The following CPQ variants were observed in gnomAD, a reference collection of about 807,000 sequenced individuals.
CPQ encodes carboxypeptidase Q.
In CPQ, 37 loss-of-function variants were observed where a neutral mutation model predicts 45.7. The observed-to-expected ratio is 0.81, with a 90% CI of 0.62 to 1.07. The LOEUF (loss-of-function observed/expected upper bound fraction) is 1.07, where lower values mean the gene tolerates loss of function less well. Among genes scored for constraint, CPQ ranks in the 50% least tolerant of loss-of-function variants. CPQ has a pLI of 0.00. For missense variants in CPQ, 537 were observed against 572.9 expected (o/e 0.94, Z 0.64); for synonymous variants, 186 against 205.8 (o/e 0.90, Z 0.82).
chr8:96,907,309 T>G (rs1812592378), intron 4 of CPQ, among the ~76,000 whole-genome samples: 1 of 152,182 alleles, frequency 6.6e-6, no homozygotes, highest in Non-Finnish European at 1.5e-5. Context: ...TCATTTACTT[T>G]GCAGAAGCTG....
intron 1 of CPQ, among the ~76,000 whole-genome samples, chr8:96,753,811 C>T (rs1368013167): frequency 6.6e-6 from 1 of 151,514 alleles, no homozygotes; most frequent in Non-Finnish European, 1.5e-5. Flanking sequence ...ACATCCTTAC[C>T]TTCCTCCTGA....
At chr8:96,869,824 G>A (rs892759828) in intron 3 of CPQ, among the ~76,000 whole-genome samples, 6 of 151,976 alleles carry the variant, frequency 3.9e-5, no homozygotes, top group African/African-American at 1.5e-4. Context: ...TAACTAAATG[G>A]TAAAGTTAGC....
chr8:96,717,883 T>C (rs2130759793), intron 1 of CPQ, among the ~76,000 whole-genome samples: 1 of 152,052 alleles, frequency 6.6e-6, no homozygotes, highest in South Asian at 2.1e-4. Context: ...TACAGAAGAG[T>C]CTTCATGGGG....
intron 1 of CPQ, chr8:96,680,461 T>C (rs927507029): frequency 6.6e-6 from 1 of 152,238 alleles, no homozygotes; most frequent in African/African-American, 2.4e-5. Context: ...CTACACAAGC[T>C]CTTTGCCTGC....
In CPQ at chr8:96,652,208, G is replaced by T. The variant is rs564446022; in HGVS notation, c.-35+6806G>T. 6.6e-5 allele frequency among the ~76,000 whole-genome samples: 10 copies of T among 152,320 alleles called. No homozygotes were observed. The South Asian group carries it at 1.9e-3, about 28-fold the overall frequency. ...TTGTTTAGATTCCACGTAGAAGTGA[G>T]ATCATGTGGTATTTGTCTTTCTGTG... On this transcript the variant is annotated intron_variant, in intron 1 of 7. Coordinates refer to ENST00000220763, the MANE Select transcript of CPQ (RefSeq NM_016134.4).
chr8:96,680,564 TC>T (rs1355125782), intron 1 of CPQ: 1 of 152,244 alleles, frequency 6.6e-6, no homozygotes, highest in Non-Finnish European at 1.5e-5. Flanking sequence ...CCATTAAACC[TC>T]TTTATTTTGT....
intron 4 of CPQ, among the ~76,000 whole-genome samples, chr8:96,917,171 A>T (rs1411677746): frequency 2.0e-5 from 3 of 152,096 alleles, no homozygotes; most frequent in Non-Finnish European, 4.4e-5. Flanking sequence ...AAAAAACAAG[A>T]TGGCATTATA....
At chr8:96,744,669 G>T (rs916995066) in intron 1 of CPQ, among the ~76,000 whole-genome samples, 2 of 151,956 alleles carry the variant, frequency 1.3e-5, no homozygotes, top group South Asian at 2.1e-4. Context: ...CTATAAATTT[G>T]ACATTAAATT....
At chr8:96,724,123 A>G (rs1809800999) in intron 1 of CPQ, among the ~76,000 whole-genome samples, 1 of 151,768 alleles carries the variant, frequency 6.6e-6, no homozygotes. Flanking sequence ...GTTTTATTGC[A>G]TCTGTATGCA....
chr8:96,811,174 G>C (rs1256589849), intron 2 of CPQ, among the ~76,000 whole-genome samples: 1 of 152,048 alleles, frequency 6.6e-6, no homozygotes, highest in African/African-American at 2.4e-5. Context: ...TCTAAGATCC[G>C]TTTTCCACAA....
intron 4 of CPQ, among the ~76,000 whole-genome samples, chr8:96,940,490 C>T (rs940918929): frequency 6.6e-6 from 1 of 152,130 alleles, no homozygotes; most frequent in African/African-American, 2.4e-5. Flanking sequence ...TCTTTCTTTG[C>T]TTCTTTTATG....
chr8:96,786,950 A>G (rs1810776640), intron 2 of CPQ, among the ~76,000 whole-genome samples: 1 of 151,986 alleles, frequency 6.6e-6, no homozygotes, highest in Non-Finnish European at 1.5e-5. Flanking sequence ...TTGATTTACT[A>G]ATGTTCTCTC....
chr8:97,028,318 AT>A (rs1440021645), intron 5 of CPQ, among the ~76,000 whole-genome samples: 1 of 152,184 alleles, frequency 6.6e-6, no homozygotes, highest in Non-Finnish European at 1.5e-5. Context: ...AGCATTTGTC[AT>A]CCAGGCTGCA....
intron 3 of CPQ, among the ~76,000 whole-genome samples, chr8:96,854,628 GGGTGT>G (rs1811822194): frequency 6.6e-6 from 1 of 150,682 alleles, no homozygotes; most frequent in Non-Finnish European, 1.5e-5. Flanking sequence ...TCATCCAATA[GGGTGT>G]GTGTTTGTGT....
intron 7 of CPQ, among the ~76,000 whole-genome samples, chr8:97,067,041 C>G (rs1216409220): frequency 6.8e-6 from 1 of 147,966 alleles, no homozygotes; most frequent in Non-Finnish European, 1.5e-5. Context: ...ATCTTCCTGT[C>G]TCAGCCTCCC....
chr8:97,083,214 G>C (rs1467779448), intron 7 of CPQ, among the ~76,000 whole-genome samples: 2 of 152,204 alleles, frequency 1.3e-5, no homozygotes, highest in South Asian at 2.1e-4. Context: ...CATTAAATAA[G>C]TGGTTTTCCA....
intron 5 of CPQ, among the ~76,000 whole-genome samples, chr8:96,984,003 T>C (rs1046474684): frequency 6.6e-6 from 1 of 152,106 alleles, no homozygotes; most frequent in African/African-American, 2.4e-5. Context: ...AAAGTTGCTA[T>C]TTTGCTCCTT....
intron 4 of CPQ, among the ~76,000 whole-genome samples, chr8:96,952,778 C>T (rs1389179950): frequency 6.6e-6 from 1 of 152,070 alleles, no homozygotes; most frequent in Non-Finnish European, 1.5e-5. Context: ...TTTTGTGGAA[C>T]TTTCCATCTG....
intron 4 of CPQ, among the ~76,000 whole-genome samples, chr8:96,925,248 GCTTC>G (rs1812857430): frequency 1.3e-5 from 2 of 152,130 alleles, no homozygotes; most frequent in Non-Finnish European, 2.9e-5. Context: ...TAATGAAGCT[GCTTC>G]AATTTCTTCC....
Sources: allele counts gnomAD v4.1 joint callset (sites outside exome capture counted in the v4.1 genomes callset), GRCh38; gene constraint gnomAD v4.1.1; transcripts MANE v1.5; gene names NCBI Gene and HGNC (gene_info 2026-07-23, HGNC 2026-07-21).